FKBP5: variants seen among roughly 807,000 people sequenced by gnomAD.
FKBP5 encodes FKBP prolyl isomerase 5.
In FKBP5, 23 loss-of-function variants were observed where a neutral mutation model predicts 50.5. The observed-to-expected ratio is 0.46, with a 90% confidence interval of 0.33 to 0.65. The LOEUF (loss-of-function observed/expected upper bound fraction) is 0.65. FKBP5 is among the 30% of genes least tolerant of loss of function. FKBP5 has a pLI of 0.02. For synonymous variants in FKBP5, 176 were observed against 190.6 expected, an observed-to-expected ratio of 0.92 and a Z score of 0.63; for missense variants, 411 against 553.1, an observed-to-expected ratio of 0.74 and a Z score of 2.58.
At chr6:35,698,179 T>C (rs1204028909) in intron 2 of FKBP5, among the ~76,000 whole-genome samples, 1 of 151,920 alleles carries the variant, frequency 6.6e-6, no homozygotes, top group Non-Finnish European at 1.5e-5. Context: ...ACCGTCTCTA[T>C]TAAAAATACA....
intron 3 of FKBP5, among the ~76,000 whole-genome samples, chr6:35,625,511 C>T (rs1042220823): frequency 2.0e-5 from 3 of 151,432 alleles, no homozygotes; most frequent in Admixed American, 1.3e-4. Flanking sequence ...ATGAGGTGGG[C>T]AGATCACGAG....
intron 3 of FKBP5, 144 bp downstream of exon 3, chr6:35,636,870 A>C: frequency 1.7e-6 from 1 of 597,472 alleles, no homozygotes; most frequent in Non-Finnish European, 2.6e-6. Flanking sequence ...GATCTCAGAG[A>C]GCCCTAGGGA....
chr6:35,581,617 CA>C (rs1262563803), intron 8 of FKBP5: 31 of 985,170 alleles, frequency 3.1e-5, no homozygotes, highest in Middle Eastern at 5.2e-4. Context: ...CAAAACAAAA[CA>C]AAACCCCTCC....
chr6:35,728,106 C>G (rs1766758284), intron 1 of FKBP5, among the ~76,000 whole-genome samples: 1 of 152,188 alleles, frequency 6.6e-6, no homozygotes, highest in African/African-American at 2.4e-5. Context: ...GCCAGCGCGC[C>G]GGGGCTGGAA....
At position 35,683,120 on chromosome 6, in the gene FKBP5, A is replaced by ATGTGTG. The variant is rs35830022; in HGVS notation, c.-20+5678_-20+5683dup. ...AGTGTGTGTGTATATATATACGTATATGTGTGTGTGTGTGTGTGTGTGTGT... is the reference window on the plus strand; with the variant it reads ...AGTGTGTGTGTATATATATACGTATATGTGTGTGTGTGTGTGTGTGTGTGTGTGTGT... On this transcript the variant is annotated intron_variant, in intron 1 of 10. Coordinates refer to ENST00000357266, the MANE Select transcript of FKBP5 (RefSeq NM_004117.4). Among the ~76,000 whole-genome samples, 754 of 80,626 alleles carry ATGTGTG rather than the reference A, an allele frequency of 9.4e-3. 17 individuals carry two copies. Among genetic ancestry groups the ATGTGTG allele is most frequent in the South Asian group, 0.011 (24 of 2,194 alleles). 52.9% of individuals were successfully genotyped at this position (80,626 alleles called of 152,430 possible).
chr6:35,582,946 G>A (rs1327582124), intron 8 of FKBP5: 1 of 833,766 alleles, frequency 1.2e-6, no homozygotes, highest in African/African-American at 1.8e-5. Flanking sequence ...TTCTAAAGTG[G>A]TGTGGTGGCT....
intron 2 of FKBP5, among the ~76,000 whole-genome samples, chr6:35,694,090 T>C (rs921086834): frequency 1.3e-5 from 2 of 151,262 alleles, no homozygotes; most frequent in Middle Eastern, 3.4e-3. Context: ...CCTACTGCCT[T>C]GGCCTCCCAG....
At chr6:35,693,768 G>T (rs1371616797), upstream of FKBP5, among the ~76,000 whole-genome samples, 1 of 150,422 alleles carries the variant, frequency 6.6e-6, no homozygotes, top group Admixed American at 6.6e-5. Context: ...TGATCCGCCC[G>T]CCTCGGCCTC....
intron 1 of FKBP5, 86 bp from the exon 2 acceptor site, chr6:35,642,929 C>T: frequency 2.1e-6 from 2 of 931,198 alleles, no homozygotes. Flanking sequence ...CTCTACCTAA[C>T]CTAAGATTTA....
At chr6:35,626,015 G>T (rs531550786) in intron 3 of FKBP5, among the ~76,000 whole-genome samples, 1 of 151,938 alleles carries the variant, frequency 6.6e-6, no homozygotes, top group South Asian at 2.1e-4. Flanking sequence ...TCCTGACCTC[G>T]TGATCCGCCT....
intron 2 of FKBP5, among the ~76,000 whole-genome samples, chr6:35,696,069 C>T (rs1265717497): frequency 6.8e-6 from 1 of 146,860 alleles, no homozygotes; most frequent in Non-Finnish European, 1.5e-5. Flanking sequence ...GGAGTGAACC[C>T]AGGAGGCGGA....
intron 2 of FKBP5, among the ~76,000 whole-genome samples, chr6:35,713,857 A>G (rs1221755587): frequency 6.6e-6 from 1 of 152,014 alleles, no homozygotes; most frequent in Admixed American, 6.6e-5. Flanking sequence ...TTGGGGTCCA[A>G]ATATTTTCTT....
intron 3 of FKBP5, among the ~76,000 whole-genome samples, chr6:35,627,951 T>TTTA (rs372103886): frequency 6.7e-6 from 1 of 149,348 alleles, no homozygotes; most frequent in East Asian, 2.0e-4. Context: ...TTTTTTTTTT[T>TTTA]AGTAGAGACG....
At chr6:35,632,818 G>A (rs1764199635) in intron 3 of FKBP5, among the ~76,000 whole-genome samples, 1 of 151,852 alleles carries the variant, frequency 6.6e-6, no homozygotes, top group Non-Finnish European at 1.5e-5. Context: ...GAACCTGGGA[G>A]GTGGAGGTCA....
intron 7 of FKBP5, among the ~76,000 whole-genome samples, 199 bp downstream of exon 7, chr6:35,590,931 C>T (rs1762800764): frequency 6.8e-6 from 1 of 147,000 alleles, no homozygotes; most frequent in African/African-American, 2.5e-5. Flanking sequence ...AAAATAAGAA[C>T]ACGGAGCTCC....
Position 35,577,214 on chromosome 6 carries a change from G to A in FKBP5, c.1046C>T (p.Ala349Val). 6.2e-7 allele frequency: 1 copy of A among 1,610,094 alleles called. No homozygotes were observed. The highest frequency in any genetic ancestry group is 8.5e-7 in the Non-Finnish European group (1 of 1,177,502). The change falls in exon 10 of 11, where the codon GCC becomes GTC. Residue 349 changes from alanine (A) to valine (V), a missense_variant. Physicochemically the swap from Ala to Val is moderately conservative, Grantham distance 64 (BLOSUM62 0). Around this residue, in one of 3 missense-constraint regions of FKBP5, gnomAD observed 267 missense variants for 405.9 expected, o/e 0.66. Transcript: ENST00000357266. ...CCDKALGLDSANEKGLYRRGE... is the reference protein window; with the variant it reads ...CCDKALGLDSVNEKGLYRRGE... ...CCTCCTATACAAGCCTTTCTCATTG[G>A]CACTGTCCAGTCCAAGGGCCTAGGA...
At chr6:35,636,819 T>A (rs1764320328) in intron 3 of FKBP5, among the ~76,000 whole-genome samples, 195 bp downstream of exon 3, 1 of 152,150 alleles carries the variant, frequency 6.6e-6, no homozygotes, top group Non-Finnish European at 1.5e-5. Context: ...AATATCTTAG[T>A]ATTGTTATGA....
At chr6:35,624,497 ATTT>A (rs34356639) in intron 3 of FKBP5, among the ~76,000 whole-genome samples, 12,058 of 151,030 alleles carry the variant, frequency 0.08, 1,007 homozygotes, top group African/African-American at 0.22. Context: ...AAGAAAAAAA[ATTT>A]TTTTTTTGTC....
At chr6:35,717,363 C>T (rs1178959158) in intron 2 of FKBP5, among the ~76,000 whole-genome samples, 1 of 152,122 alleles carries the variant, frequency 6.6e-6, no homozygotes, top group Non-Finnish European at 1.5e-5. Context: ...CATGTGTGTG[C>T]ACACGTGTGC....
Sources: gnomAD v4.1 joint callset for allele counts (sites outside exome capture counted in the v4.1 genomes callset) on GRCh38, gnomAD v4.1.1 for gene constraint, gnomAD v4.1.1 regional missense constraint, MANE v1.5 for transcripts, NCBI Gene and HGNC (gene_info 2026-07-23, HGNC 2026-07-21) for gene names.